Variants in OPCML observed in about 807,000 individuals in gnomAD.
The protein encoded by OPCML is opioid-binding protein/cell adhesion molecule.
A neutral mutation model predicts 37.8 loss-of-function variants in OPCML; 13 were observed. The observed-to-expected ratio is 0.34, with a 90% CI of 0.22 to 0.55. The LOEUF (loss-of-function observed/expected upper bound fraction) is 0.55. Ranked by LOEUF, OPCML falls within the 20% of genes least tolerant of loss-of-function variation. The probability of loss-of-function intolerance (pLI) is 0.91; values close to 1 mark genes in which losing one functional copy is unlikely to be tolerated. For missense variants in OPCML, 341 were observed against 435.6 expected (o/e 0.78, Z 1.93); for synonymous variants, 176 against 168.8 (o/e 1.04, Z -0.33).
At chr11:132,845,474 G>T (rs1434779098) in intron 2 of OPCML, among the ~76,000 whole-genome samples, 1 of 152,114 alleles carries the variant, frequency 6.6e-6, no homozygotes, top group Non-Finnish European at 1.5e-5. Context: ...AAAATCTGTG[G>T]AATGCTATCT....
chr11:133,151,010 C>T (rs1443498343), intron 1 of OPCML, among the ~76,000 whole-genome samples: 1 of 151,974 alleles, frequency 6.6e-6, no homozygotes, highest in East Asian at 1.9e-4. Context: ...TGCGGTGGCT[C>T]ATGCCTGTAA....
intron 1 of OPCML, among the ~76,000 whole-genome samples, chr11:133,030,210 A>T (rs1947640873): frequency 6.6e-6 from 1 of 152,128 alleles, no homozygotes; most frequent in Non-Finnish European, 1.5e-5. Context: ...CAAACTGTCA[A>T]CTCTTAATGA....
intron 2 of OPCML, among the ~76,000 whole-genome samples, chr11:132,796,123 C>G (rs1024445227): frequency 1.3e-5 from 2 of 152,150 alleles, no homozygotes; most frequent in African/African-American, 4.8e-5. Flanking sequence ...TATGCAAGTA[C>G]TATGCCATTT....
At chr11:133,162,800 A>G (rs1189947355) in intron 1 of OPCML, among the ~76,000 whole-genome samples, 1 of 152,208 alleles carries the variant, frequency 6.6e-6, no homozygotes, top group Non-Finnish European at 1.5e-5. Flanking sequence ...CCTTACCAGA[A>G]ATCCCAGATG....
At chr11:133,061,150 A>G (rs1462057121) in intron 1 of OPCML, among the ~76,000 whole-genome samples, 1 of 152,208 alleles carries the variant, frequency 6.6e-6, no homozygotes, top group Non-Finnish European at 1.5e-5. Context: ...ACAAGAGTGT[A>G]TCACCACACC....
At chr11:132,704,052 C>G (rs1565789870) in intron 2 of OPCML, among the ~76,000 whole-genome samples, 2 of 152,066 alleles carry the variant, frequency 1.3e-5, no homozygotes, top group Non-Finnish European at 2.9e-5. Context: ...TTTTTGCAGT[C>G]TACTTGGAAA....
chr11:133,157,432 G>A (rs1373840202), intron 1 of OPCML, among the ~76,000 whole-genome samples: 1 of 152,130 alleles, frequency 6.6e-6, no homozygotes, highest in Non-Finnish European at 1.5e-5. Context: ...TCTAAGCAAA[G>A]GGAGATTGTT....
At chr11:133,013,471 G>A (rs1316210922) in intron 1 of OPCML, among the ~76,000 whole-genome samples, 1 of 152,086 alleles carries the variant, frequency 6.6e-6, no homozygotes, top group East Asian at 1.9e-4. Context: ...TCTTTGAAGA[G>A]GAAGTATTTA....
In OPCML at chr11:133,144,581, C is replaced by A. The variant is rs78670363; in HGVS notation, c.62-201571G>T. On this transcript the variant is annotated intron_variant, in intron 1 of 7. Transcript: ENST00000524381. The stretch of plus-strand genomic sequence containing the variant: ...TTCGGCACATGGGAAGCATCTAGCA[C>A]GCTGGCCAGCACACAGTCAAAGCTT... Among the ~76,000 whole-genome samples, 11 of 152,330 alleles carry A rather than the reference C, an allele frequency of 7.2e-5. No individual in the cohort carries two copies. In the East Asian group the frequency reaches 2.1e-3, roughly 29 times the overall value.
At chr11:132,942,734 T>C (rs1331070751) in intron 2 of OPCML, among the ~76,000 whole-genome samples, 192 bp downstream of exon 2, 2 of 152,176 alleles carry the variant, frequency 1.3e-5, no homozygotes, top group African/African-American at 2.4e-5. Context: ...TGGACCAGCA[T>C]AGCCGGAGCA....
At chr11:133,184,836 G>T (rs1215662331) in intron 1 of OPCML, among the ~76,000 whole-genome samples, 1 of 152,186 alleles carries the variant, frequency 6.6e-6, no homozygotes, top group Non-Finnish European at 1.5e-5. Flanking sequence ...TCCTAGGCAG[G>T]TGAATGATAG....
At chr11:133,479,368 A>G (rs376166195) in intron 1 of OPCML, among the ~76,000 whole-genome samples, 104 of 152,180 alleles carry the variant, frequency 6.8e-4, no homozygotes, top group African/African-American at 2.4e-3. Flanking sequence ...ATACCACACC[A>G]AATGTAAGGA....
intron 1 of OPCML, among the ~76,000 whole-genome samples, chr11:133,302,974 T>C (rs1460334274): frequency 6.6e-6 from 1 of 152,212 alleles, no homozygotes; most frequent in African/African-American, 2.4e-5. Flanking sequence ...GACAACATAC[T>C]AAAATGCCAA....
intron 1 of OPCML, among the ~76,000 whole-genome samples, chr11:133,035,889 G>A (rs1048139881): frequency 8.1e-5 from 12 of 148,580 alleles, no homozygotes; most frequent in Non-Finnish European, 1.3e-4. Context: ...AGACAACACC[G>A]CAAGAAGCCA....
At chr11:132,994,629 A>G (rs1464360785) in intron 1 of OPCML, among the ~76,000 whole-genome samples, 1 of 152,084 alleles carries the variant, frequency 6.6e-6, no homozygotes, top group Non-Finnish European at 1.5e-5. Context: ...CCACCCACCC[A>G]CCGGTACCTG....
chr11:132,451,223 T>C (rs964336350), intron 4 of OPCML, among the ~76,000 whole-genome samples: 2 of 152,180 alleles, frequency 1.3e-5, no homozygotes, highest in Admixed American at 6.5e-5. Flanking sequence ...ATTACTGAGC[T>C]GAACATAATT....
At chr11:133,294,408 T>C (rs1030962510) in intron 1 of OPCML, among the ~76,000 whole-genome samples, 2 of 152,158 alleles carry the variant, frequency 1.3e-5, no homozygotes, top group African/African-American at 4.8e-5. Context: ...GCCACCTCTT[T>C]TCCTTTCCAG....
At chr11:132,532,130 T>C (rs1404685925) in intron 3 of OPCML, among the ~76,000 whole-genome samples, 1 of 152,180 alleles carries the variant, frequency 6.6e-6, no homozygotes, top group African/African-American at 2.4e-5. Flanking sequence ...ATTCCATGGA[T>C]GCTTAGCATG....
At chr11:132,920,306 C>A (rs1214586819) in intron 2 of OPCML, among the ~76,000 whole-genome samples, 1 of 152,212 alleles carries the variant, frequency 6.6e-6, no homozygotes, top group Non-Finnish European at 1.5e-5. Flanking sequence ...ACTACAAAGA[C>A]AAAAGGAGAC....
Sources: allele counts gnomAD v4.1 joint callset (sites outside exome capture counted in the v4.1 genomes callset), GRCh38; gene constraint gnomAD v4.1.1; transcripts MANE v1.5; gene names NCBI Gene and HGNC (gene_info 2026-07-23, HGNC 2026-07-21).